Variants in USP45 observed in about 807,000 individuals in gnomAD.
The protein encoded by USP45 is ubiquitin specific peptidase 45.
In USP45, 89 loss-of-function variants were observed where a neutral mutation model predicts 95.8. That is an observed-to-expected ratio of 0.93 (90% confidence interval 0.78 to 1.11). USP45 has a LOEUF of 1.11. USP45 is among the 50% of genes least tolerant of loss of function. The pLI is 0.00. For synonymous variants in USP45, 281 were observed against 316.2 expected (o/e 0.89, Z 1.18); for missense variants, 898 against 942.5 (o/e 0.95, Z 0.62).
chr6:99,464,538 T>A (rs905425570), intron 13 of USP45, 66 bp downstream of exon 13: 1 of 1,523,494 alleles, frequency 6.6e-7, no homozygotes, highest in Non-Finnish European at 8.8e-7. Flanking sequence ...TACTTTTAGA[T>A]GTGCTTGAAA....
chr6:99,444,884 C>T (rs1453582550), intron 14 of USP45, among the ~76,000 whole-genome samples: 2 of 152,174 alleles, frequency 1.3e-5, no homozygotes, highest in East Asian at 1.9e-4. Context: ...TCTTCAGTGG[C>T]AATTATCTCC....
chr6:99,443,883 G>C, intron 14 of USP45, among the ~76,000 whole-genome samples: 1 of 152,120 alleles, frequency 6.6e-6, no homozygotes. Flanking sequence ...AAGAATAGGA[G>C]AGGTAACACG....
chr6:99,468,777 G>A (rs1039321079), intron 9 of USP45, among the ~76,000 whole-genome samples, 159 bp from the exon 10 acceptor site: 2 of 152,068 alleles, frequency 1.3e-5, no homozygotes, highest in Admixed American at 6.6e-5. Context: ...ATTTCTTCCA[G>A]GTCTCAAATT....
chr6:99,502,560 C>T (rs1480263752), intron 5 of USP45, among the ~76,000 whole-genome samples: 1 of 152,084 alleles, frequency 6.6e-6, no homozygotes, highest in African/African-American at 2.4e-5. Flanking sequence ...TAGTTAGTGT[C>T]AGAACTACAC....
At chr6:99,490,271 C>T (rs1356702301) in intron 5 of USP45, among the ~76,000 whole-genome samples, 7 of 152,020 alleles carry the variant, frequency 4.6e-5, no homozygotes, top group Non-Finnish European at 7.4e-5. Context: ...TCAAGTGATT[C>T]TCGTGTCTCA....
At chr6:99,477,961 T>C (rs1791291292) in intron 8 of USP45, among the ~76,000 whole-genome samples, 2 of 152,190 alleles carry the variant, frequency 1.3e-5, no homozygotes, top group African/African-American at 4.8e-5. Flanking sequence ...TTATGCTGTA[T>C]ACTCCAAGGA....
intron 13 of USP45, chr6:99,461,681 C>T (rs978366241): frequency 1.0e-6 from 1 of 984,386 alleles, no homozygotes; most frequent in African/African-American, 1.7e-5. Flanking sequence ...AATGAGATAA[C>T]TCATATAATT....
At chr6:99,475,087 G>A (rs1455207761) in intron 9 of USP45, among the ~76,000 whole-genome samples, 1 of 152,098 alleles carries the variant, frequency 6.6e-6, no homozygotes, top group African/African-American at 2.4e-5. Flanking sequence ...TGAAGTTTCT[G>A]TCTACTGGGA....
chr6:99,457,100 G>A (rs1785268599), intron 13 of USP45, among the ~76,000 whole-genome samples: 1 of 152,090 alleles, frequency 6.6e-6, no homozygotes, highest in Non-Finnish European at 1.5e-5. Flanking sequence ...GGTCAGACCG[G>A]GTGCTCTCAA....
intron 9 of USP45, among the ~76,000 whole-genome samples, chr6:99,474,736 T>C (rs1209122253): frequency 2.0e-5 from 3 of 152,316 alleles, no homozygotes; most frequent in African/African-American, 7.2e-5. Context: ...ACCTGGACTG[T>C]TAGGAACGAT....
At chr6:99,492,788 G>C (rs1188801657) in intron 5 of USP45, among the ~76,000 whole-genome samples, 1 of 152,010 alleles carries the variant, frequency 6.6e-6, no homozygotes, top group Non-Finnish European at 1.5e-5. Context: ...CCCCGCACTT[G>C]GCCAGAATAA....
intron 13 of USP45, among the ~76,000 whole-genome samples, chr6:99,449,233 TAAAG>T (rs574690578): frequency 7.4e-4 from 113 of 152,222 alleles, no homozygotes; most frequent in African/African-American, 2.5e-3. Flanking sequence ...AAAAACTGCA[TAAAG>T]AGTCAAGACC....
At chr6:99,449,602 C>T (rs917553029) in intron 13 of USP45, among the ~76,000 whole-genome samples, 29 of 151,752 alleles carry the variant, frequency 1.9e-4, no homozygotes, top group African/African-American at 7.0e-4. Context: ...TAACACCCCA[C>T]TGTCAACATT....
intron 13 of USP45, among the ~76,000 whole-genome samples, chr6:99,451,850 G>C (rs1180571094): frequency 6.6e-6 from 1 of 152,174 alleles, no homozygotes; most frequent in Non-Finnish European, 1.5e-5. Context: ...CAATGGAACA[G>C]AACAGAACCC....
In USP45 at chr6:99,445,823, TTC is replaced by T. The variant is rs747378894; in HGVS notation, c.1947_1948del (p.Lys650ValfsTer18). 5 of 1,583,894 alleles carry T rather than the reference TTC, an allele frequency of 3.2e-6. No individual in the cohort carries two copies. Among genetic ancestry groups the T allele is most frequent in the African/African-American group, 1.4e-5 (1 of 73,246 alleles). On this transcript the variant is annotated frameshift_variant, in exon 14 of 18. Transcript: ENST00000500704. LOFTEE classifies it high-confidence loss of function. Reference sequence around the variant, plus strand: ...TGCAAAACTGGTTTCTTCTTGGTACTTCTGTTTGTTTTTAGTACAATTCTCAC... The same window carrying T: ...TGCAAAACTGGTTTCTTCTTGGTACTTGTTTGTTTTTAGTACAATTCTCAC...
chr6:99,449,236 A>C (rs1783275140), intron 13 of USP45, among the ~76,000 whole-genome samples: 1 of 151,976 alleles, frequency 6.6e-6, no homozygotes, highest in South Asian at 2.1e-4. Context: ...AACTGCATAA[A>C]GAGTCAAGAC....
rs976804416 is a variant in USP45, at chr6:99,435,051, G to A, written c.*665C>T. ...TGACACCCTTTTATATGGTTGAATT[G>A]TATAAAATATGACCAGGGAACTACA... On this transcript the variant is annotated 3_prime_UTR_variant, in exon 18 of 18. Coordinates refer to ENST00000500704, the MANE Select transcript of USP45 (RefSeq NM_001346022.3). The A allele has an allele frequency of 2.0e-5, 3 of 152,530 alleles. No homozygotes were observed. The highest frequency in any genetic ancestry group is 2.9e-5 in the Non-Finnish European group (2 of 68,008). 9.4% of individuals were successfully genotyped at this position (152,530 alleles called of 1,614,324 possible).
At chr6:99,454,391 T>C (rs115957201) in intron 13 of USP45, among the ~76,000 whole-genome samples, 2,859 of 152,212 alleles carry the variant, frequency 0.019, 84 homozygotes, top group African/African-American at 0.066. Context: ...CTCAGGACAT[T>C]AGTCTAGGTA....
chr6:99,484,106 G>T, intron 7 of USP45, among the ~76,000 whole-genome samples: 1 of 146,486 alleles, frequency 6.8e-6, no homozygotes, highest in South Asian at 2.2e-4. Flanking sequence ...AAGTAGCTGG[G>T]ATCGCAGGCA....
Sources: allele counts gnomAD v4.1 joint callset (sites outside exome capture counted in the v4.1 genomes callset), GRCh38; gene constraint gnomAD v4.1.1; transcripts MANE v1.5; gene names NCBI Gene and HGNC (gene_info 2026-07-23, HGNC 2026-07-21).